Variants in ATF7IP observed in about 807,000 individuals in gnomAD.
The protein encoded by ATF7IP is activating transcription factor 7 interacting protein.
In ATF7IP, 23 loss-of-function variants were observed where a neutral mutation model predicts 106.4. That is an observed-to-expected ratio of 0.22 (90% CI 0.16 to 0.31). The LOEUF is 0.31. Among genes scored for constraint, ATF7IP ranks in the 10% least tolerant of loss-of-function variants. ATF7IP has a pLI of 1.00. For synonymous variants in ATF7IP, 542 were observed against 539.0 expected, an observed-to-expected ratio of 1.01 and a Z score of -0.08; for missense variants, 1,334 against 1,524.3, an observed-to-expected ratio of 0.88 and a Z score of 2.08.
chr12:14,422,664 T>G (rs1941598104), intron 1 of ATF7IP, among the ~76,000 whole-genome samples: 1 of 152,232 alleles, frequency 6.6e-6, no homozygotes, highest in African/African-American at 2.4e-5. Flanking sequence ...TGTGGCCTTT[T>G]GTGACTGGCT....
chr12:14,441,302 G>A (rs761924018), intron 5 of ATF7IP, among the ~76,000 whole-genome samples: 9 of 151,898 alleles, frequency 5.9e-5, no homozygotes, highest in Non-Finnish European at 1.2e-4. Flanking sequence ...TATCTCATTA[G>A]GGTTTTGATT....
At chr12:14,376,674 C>T (rs1938749551) in intron 1 of ATF7IP, among the ~76,000 whole-genome samples, 1 of 152,208 alleles carries the variant, frequency 6.6e-6, no homozygotes, top group Non-Finnish European at 1.5e-5. Context: ...GAGATTCCCA[C>T]ATTTGTCAGT....
In ATF7IP at chr12:14,500,603, C is replaced by T. The variant is rs1282351298; in HGVS notation, c.*2530C>T. ...ATGTGTTCAAGATTATTCCTGTCTA[C>T]AAAACTGAAGGCCCATGTTCAAATT... On this transcript the variant is annotated 3_prime_UTR_variant, in exon 15 of 15. Coordinates refer to ENST00000261168, the MANE Select transcript of ATF7IP (RefSeq NM_018179.5). 1 of 152,170 alleles carries T rather than the reference C, an allele frequency of 6.6e-6. No individual in the cohort carries two copies. The highest frequency in any genetic ancestry group is 6.5e-5 in the Admixed American group (1 of 15,280). The allele number at this position is 152,170 out of a possible 1,614,324, so 9.4% of individuals were successfully genotyped here.
intron 13 of ATF7IP, among the ~76,000 whole-genome samples, chr12:14,488,981 G>A (rs977170948): frequency 1.3e-5 from 2 of 152,186 alleles, no homozygotes; most frequent in African/African-American, 4.8e-5. Context: ...TCTGCAACTG[G>A]TCACATGGTA....
chr12:14,428,812 A>G (rs1171050538), intron 2 of ATF7IP, among the ~76,000 whole-genome samples: 11 of 152,216 alleles, frequency 7.2e-5, no homozygotes, highest in Admixed American at 7.2e-4. Flanking sequence ...AAGCAAATAG[A>G]AAAGCTATTT....
intron 11 of ATF7IP, chr12:14,476,433 A>G (rs1345856015): frequency 6.7e-6 from 1 of 149,988 alleles, no homozygotes; most frequent in Admixed American, 6.7e-5. Flanking sequence ...AAAAAAAAAA[A>G]AAGGATAGAA....
chr12:14,434,350 T>A lies in ATF7IP; in HGVS notation c.1572T>A (p.Ser524Arg). ...ATTTGTTAACAGCAGAAGTAGAAAG[T>A]AATGAAAAGGACAACAAACCTGAGG... ...NETCSPAEVE[S>R]NEKDNKPEEE... Residue 524 changes from serine (S) to arginine (R), a missense_variant, in exon 3 of 15, where the codon AGT becomes AGA. By Grantham distance (110) the Ser-to-Arg change is moderately radical (BLOSUM62 -1). This residue lies in a region of ATF7IP where 119 missense variants were observed against 117.8 expected (regional missense o/e 1.01). Coordinates refer to ENST00000261168, the MANE Select transcript of ATF7IP (RefSeq NM_018179.5). 1 of 1,559,640 alleles carries A rather than the reference T, an allele frequency of 6.4e-7. No individual in the cohort carries two copies. Among genetic ancestry groups the A allele is most frequent in the Non-Finnish European group, 8.8e-7 (1 of 1,135,870 alleles).
intron 1 of ATF7IP, among the ~76,000 whole-genome samples, chr12:14,370,764 T>C (rs1938500289): frequency 6.6e-6 from 1 of 152,296 alleles, no homozygotes; most frequent in African/African-American, 2.4e-5. Context: ...TAAGGTTATA[T>C]TTCTGTTTTC....
At chr12:14,481,269 A>G (rs748061930) in intron 13 of ATF7IP, 84 bp downstream of exon 13, 6 of 1,459,264 alleles carry the variant, frequency 4.1e-6, no homozygotes, top group Non-Finnish European at 4.6e-6. Context: ...ATAATGTTAA[A>G]TTTTGCAAAA....
chr12:14,488,960 C>G (rs561724749), intron 13 of ATF7IP, among the ~76,000 whole-genome samples: 2 of 152,230 alleles, frequency 1.3e-5, no homozygotes, highest in Admixed American at 6.5e-5. Flanking sequence ...ATGACAATTA[C>G]AGTCCCCATT....
chr12:14,407,980 A>G (rs1390053582), intron 1 of ATF7IP, among the ~76,000 whole-genome samples: 1 of 152,162 alleles, frequency 6.6e-6, no homozygotes, highest in Non-Finnish European at 1.5e-5. Flanking sequence ...ACTTGCAGAA[A>G]AAAAGTGCTA....
At chr12:14,439,487 A>G (rs910447693) in intron 5 of ATF7IP, among the ~76,000 whole-genome samples, 1 of 152,182 alleles carries the variant, frequency 6.6e-6, no homozygotes, top group Non-Finnish European at 1.5e-5. Flanking sequence ...AATTTTATTC[A>G]TTGTTTCTCA....
intron 13 of ATF7IP, among the ~76,000 whole-genome samples, chr12:14,489,455 G>A (rs535076217): frequency 1.1e-3 from 165 of 152,250 alleles, no homozygotes; most frequent in African/African-American, 3.6e-3. Context: ...CCAGCAGAAC[G>A]TAATGTCGCA....
Position 14,483,255 on chromosome 12 carries a change from T to C in ATF7IP, c.3280+2070T>C, listed in dbSNP as rs151068905. On this transcript the variant is annotated intron_variant, in intron 13 of 14. Transcript: ENST00000261168. ...TATTGCTGCCTAAATTGAGCTATTATAGTTTCCTATTGGCCTTAATCACAG... is the reference window on the plus strand; with the variant it reads ...TATTGCTGCCTAAATTGAGCTATTACAGTTTCCTATTGGCCTTAATCACAG... 2.7e-3 allele frequency among the ~76,000 whole-genome samples: 415 copies of C among 152,338 alleles called. 1 individual carries two copies. Among genetic ancestry groups the C allele is most frequent in the African/African-American group, 9.3e-3 (385 of 41,578 alleles).
chr12:14,371,409 A>G (rs1938528605), intron 1 of ATF7IP, among the ~76,000 whole-genome samples: 3 of 152,210 alleles, frequency 2.0e-5, no homozygotes, highest in Admixed American at 1.3e-4. Flanking sequence ...GTCTTTTTCA[A>G]GCAACACTGC....
intron 6 of ATF7IP, among the ~76,000 whole-genome samples, chr12:14,455,705 C>T (rs979829400): frequency 6.6e-6 from 1 of 152,148 alleles, no homozygotes; most frequent in African/African-American, 2.4e-5. Flanking sequence ...CCACCTCAGC[C>T]TCCCAAGAAG....
intron 1 of ATF7IP, among the ~76,000 whole-genome samples, chr12:14,415,204 A>G (rs758645573): frequency 2.6e-5 from 4 of 152,210 alleles, no homozygotes; most frequent in African/African-American, 9.6e-5. Flanking sequence ...CCAATTTTCT[A>G]AGGGGGTGTA....
At chr12:14,495,616 G>A (rs892530343) in intron 13 of ATF7IP, among the ~76,000 whole-genome samples, 2 of 152,168 alleles carry the variant, frequency 1.3e-5, no homozygotes, top group Non-Finnish European at 2.9e-5. Context: ...TGTTTCCCTG[G>A]TGTATGTCAC....
chr12:14,436,471 C>T (rs1942406089), intron 4 of ATF7IP, among the ~76,000 whole-genome samples: 2 of 152,192 alleles, frequency 1.3e-5, no homozygotes, highest in Admixed American at 6.5e-5. Flanking sequence ...GTGGATGGAT[C>T]ACCTGAAGTC....
Sources: gnomAD v4.1 joint callset for allele counts (sites outside exome capture counted in the v4.1 genomes callset) on GRCh38, gnomAD v4.1.1 for gene constraint, gnomAD v4.1.1 regional missense constraint, MANE v1.5 for transcripts, NCBI Gene and HGNC (gene_info 2026-07-23, HGNC 2026-07-21) for gene names.